The following CHD7 variants were observed in gnomAD, a reference collection of about 807,000 sequenced individuals.
CHD7 encodes the protein ATP-dependent chromatin remodeler CHD7.
Under a neutral mutation model 307.3 loss-of-function variants are expected in CHD7, and 24 were observed. The observed-to-expected ratio is 0.08, with a 90% CI of 0.06 to 0.11. The LOEUF (loss-of-function observed/expected upper bound fraction) is 0.11. Ranked by LOEUF, CHD7 falls within the 10% of genes least tolerant of loss-of-function variation. The pLI, the probability that CHD7 is intolerant of heterozygous loss-of-function variation, is 1.00. For synonymous variants in CHD7, 1,363 were observed against 1,349.9 expected (o/e 1.01, Z -0.21); for missense variants, 3,106 against 3,727.1 (o/e 0.83, Z 4.34).
chr8:60,693,185 C>T (rs1318410226), intron 1 of CHD7, among the ~76,000 whole-genome samples: 3 of 152,138 alleles, frequency 2.0e-5, no homozygotes, highest in East Asian at 1.9e-4. Context: ...GTGCCCTCCG[C>T]GACACCCCCT....
At position 60,741,328 on chromosome 8, in the gene CHD7, G is replaced by T. The variant is rs1469211655; in HGVS notation, c.-105G>T. 1.3e-6 allele frequency: 1 copy of T among 784,136 alleles called. No homozygotes were observed. Among genetic ancestry groups the T allele is most frequent in the African/African-American group, 1.8e-5 (1 of 56,988 alleles). 48.6% of individuals were successfully genotyped at this position (784,136 alleles called of 1,614,324 possible). Reference sequence around the variant, plus strand: ...TTAAAGAAATATGGAATGACATGAAGAAGATTAGTTAAGGATTATAGGCTT... The same window carrying T: ...TTAAAGAAATATGGAATGACATGAATAAGATTAGTTAAGGATTATAGGCTT... On this transcript the variant is annotated 5_prime_UTR_variant, in exon 2 of 38. Coordinates refer to ENST00000423902, the MANE Select transcript of CHD7 (RefSeq NM_017780.4).
At chr8:60,755,362 A>T (rs1905305) in intron 2 of CHD7, among the ~76,000 whole-genome samples, 117,339 of 151,728 alleles carry the variant, frequency 0.77, 45,642 homozygotes, top group East Asian at 0.94. Context: ...CATTTTTTTT[A>T]AGAATTTACT....
rs1804159168 is a variant in CHD7, at chr8:60,824,012, A to G, written c.3374A>G (p.Asp1125Gly). Reference protein sequence around the residue: ...CKLLEGLKMMDLEHKVLLTGT... With the variant: ...CKLLEGLKMMGLEHKVLLTGT... ...CTGTTGGAGGGACTCAAGATGATGGACTTGGTCAGTGACCATATTGGTGAT... is the reference window on the plus strand; with the variant it reads ...CTGTTGGAGGGACTCAAGATGATGGGCTTGGTCAGTGACCATATTGGTGAT... The change falls in exon 13 of 38, where the codon GAC (aspartate) becomes GGC (glycine). Residue 1125 changes from aspartate to glycine, a missense_variant. Physicochemically the swap from Asp to Gly is moderately conservative, Grantham distance 94. This residue lies in a region of CHD7 where 232 missense variants were observed against 422.5 expected (regional missense o/e 0.55). Transcript: ENST00000423902. The G allele has an allele frequency of 1.2e-6, 2 of 1,612,366 alleles. No homozygotes were observed. The highest frequency in any genetic ancestry group is 1.7e-6 in the Non-Finnish European group (2 of 1,178,718).
intron 2 of CHD7, among the ~76,000 whole-genome samples, chr8:60,778,078 C>G (rs1211634968): frequency 3.4e-5 from 5 of 145,106 alleles, no homozygotes; most frequent in Admixed American, 1.4e-4. Context: ...GAAGACTGTA[C>G]CATGCATCTG....
intron 12 of CHD7, 145 bp downstream of exon 12, chr8:60,822,891 G>T: frequency 1.7e-6 from 1 of 593,614 alleles, no homozygotes; most frequent in Non-Finnish European, 2.8e-6. Flanking sequence ...ATTTACATTT[G>T]TATTATCTTT....
In CHD7 at chr8:60,865,359, C is replaced by T. The variant is rs1467174474; in HGVS notation, c.8420C>T (p.Pro2807Leu). ...PLMLPGMAGL[P>L]NVFGLGGLLN... ...ATGCTGCCAGGAATGGCGGGCCTGC[C>T]CAACGTGTTTGGCTTGGGCGGGCTG... The change falls in exon 38 of 38, where the codon CCC (proline) becomes CTC (leucine). Residue 2807 changes from proline (P) to leucine (L), a missense_variant. Physicochemically the swap from Pro to Leu is moderately conservative, Grantham distance 98. Coordinates refer to ENST00000423902, the MANE Select transcript of CHD7 (RefSeq NM_017780.4). The surrounding 1 kb of genome is among the most constrained non-coding windows in gnomAD (Gnocchi z 4.3). 1.2e-6 allele frequency: 2 copies of T among 1,611,796 alleles called. No individual in the cohort carries two copies. The highest frequency in any genetic ancestry group is 1.7e-6 in the Non-Finnish European group (2 of 1,179,190).
intron 28 of CHD7, among the ~76,000 whole-genome samples, chr8:60,851,621 A>G (rs1238885005): frequency 6.6e-6 from 1 of 152,248 alleles, no homozygotes. Context: ...GCATTTGCTA[A>G]GTATTCACCT....
chr8:60,854,504 C>T lies in CHD7; in HGVS notation c.6917C>T (p.Ala2306Val), dbSNP rs757931215. 5 of 1,601,312 alleles carry T rather than the reference C, an allele frequency of 3.1e-6. No individual in the cohort carries two copies. Among genetic ancestry groups the T allele is most frequent in the South Asian group, 1.1e-5 (1 of 89,958 alleles). Residue 2306 changes from alanine (A) to valine (V), a missense_variant, in exon 32 of 38, where the codon GCC becomes GTC. Physicochemically the swap from Ala to Val is moderately conservative, Grantham distance 64 (BLOSUM62 0). Coordinates refer to ENST00000423902, the MANE Select transcript of CHD7 (RefSeq NM_017780.4). ...VAQLLHERTF[A>V]FSFWPKDRVM... is the part of the protein sequence containing the mutation. ...CAGCTCCTTCATGAAAGAACATTTG[C>T]CTTCTCGTTTTGGCCTAAGGTTGGC...
chr8:60,696,613 G>GGTA (rs1806485585), intron 1 of CHD7, among the ~76,000 whole-genome samples: 1 of 151,694 alleles, frequency 6.6e-6, no homozygotes, highest in Non-Finnish European at 1.5e-5. Flanking sequence ...TTGGATTGCA[G>GGTA]GTAGTTTTTT....
chr8:60,845,349 A>T lies in CHD7; in HGVS notation c.5150A>T (p.Asn1717Ile). The T allele has an allele frequency of 6.2e-7, 1 of 1,614,048 alleles. No homozygotes were observed. Among genetic ancestry groups the T allele is most frequent in the Non-Finnish European group, 8.5e-7 (1 of 1,179,896 alleles). The change falls in exon 23 of 38, where the codon AAC (asparagine) becomes ATC (isoleucine). Residue 1717 changes from asparagine to isoleucine, a missense_variant. By Grantham distance (149) the Asn-to-Ile change is moderately radical (BLOSUM62 -3). Coordinates refer to ENST00000423902, the MANE Select transcript of CHD7 (RefSeq NM_017780.4). Reference sequence around the variant, plus strand: ...GATGCCGACTGGCTGGCCAGCTGCAACCCAGATGCCCTGTTCCAGGAGGAC... The same window carrying T: ...GATGCCGACTGGCTGGCCAGCTGCATCCCAGATGCCCTGTTCCAGGAGGAC... ...VQDADWLASC[N>I]PDALFQEDSY...
chr8:60,742,263 G>C lies in CHD7; in HGVS notation c.831G>C (p.Pro277=), dbSNP rs775415630. The change falls in exon 2 of 38, where the codon CCG becomes CCC. Residue 277 remains proline, a synonymous_variant. Coordinates refer to ENST00000423902, the MANE Select transcript of CHD7 (RefSeq NM_017780.4). ...ESVAHSPRFS[P]NPPQQGAVRP... The stretch of plus-strand genomic sequence containing the variant: ...TTGCCCACAGTCCCAGATTCTCCCC[G>C]AATCCTCCCCAACAAGGGGCTGTTA... The C allele has an allele frequency of 1.2e-6, 2 of 1,613,622 alleles. No individual in the cohort carries two copies. The highest frequency in any genetic ancestry group is 1.3e-5 in the African/African-American group (1 of 74,842).
chr8:60,697,277 C>T (rs1302345153), intron 1 of CHD7, among the ~76,000 whole-genome samples: 1 of 152,176 alleles, frequency 6.6e-6, no homozygotes, highest in African/African-American at 2.4e-5. Flanking sequence ...ATGGAAGAAA[C>T]ACATTTGAGC....
In CHD7 at chr8:60,742,030, A is replaced by G; in HGVS notation, c.598A>G (p.Met200Val). ...GSYMARGDFS[M>V]QQHGQPQQRM... ...CTATATGGCACGTGGGGATTTTTCC[A>G]TGCAGCAGCATGGTCAGCCACAGCA... Residue 200 changes from methionine (M) to valine (V), a missense_variant, in exon 2 of 38, where the codon ATG becomes GTG. Transcript: ENST00000423902. 6.2e-7 allele frequency: 1 copy of G among 1,613,792 alleles called. No individual in the cohort carries two copies. The highest frequency in any genetic ancestry group is 8.5e-7 in the Non-Finnish European group (1 of 1,179,868).
At chr8:60,759,596 C>G (rs563827485) in intron 2 of CHD7, among the ~76,000 whole-genome samples, 1 of 152,126 alleles carries the variant, frequency 6.6e-6, no homozygotes, top group Non-Finnish European at 1.5e-5. Flanking sequence ...TAAATTGAGG[C>G]CTGGTACTCC....
intron 3 of CHD7, among the ~76,000 whole-genome samples, chr8:60,787,630 A>G (rs1370464704): frequency 6.6e-6 from 1 of 152,088 alleles, no homozygotes; most frequent in Non-Finnish European, 1.5e-5. Flanking sequence ...TGTAGCCCTG[A>G]CTTCTATAGG....
intron 1 of CHD7, among the ~76,000 whole-genome samples, chr8:60,738,440 C>T (rs1187283813): frequency 6.6e-6 from 1 of 152,130 alleles, no homozygotes; most frequent in Non-Finnish European, 1.5e-5. Context: ...GAACAGTGTT[C>T]ATCTAGACAC....
chr8:60,690,538 A>G (rs1362696167), intron 1 of CHD7, among the ~76,000 whole-genome samples: 1 of 152,192 alleles, frequency 6.6e-6, no homozygotes, highest in East Asian at 1.9e-4. Flanking sequence ...TTTATAGGGA[A>G]CTTTGTGGCT....
intron 3 of CHD7, among the ~76,000 whole-genome samples, chr8:60,794,498 A>G (rs1447872728): frequency 1.3e-5 from 2 of 152,218 alleles, no homozygotes; most frequent in African/African-American, 4.8e-5. Flanking sequence ...TTACATTCTA[A>G]AAGATTATAA....
At chr8:60,845,554 G>A in intron 23 of CHD7, 145 bp downstream of exon 23, 1 of 847,600 alleles carries the variant, frequency 1.2e-6, no homozygotes, top group East Asian at 2.7e-5. Flanking sequence ...GCGGATCTTG[G>A]TGTCTGAGGG....
Sources: allele counts gnomAD v4.1 joint callset (sites outside exome capture counted in the v4.1 genomes callset), GRCh38; gene constraint gnomAD v4.1.1; regional missense constraint gnomAD v4.1.1; non-coding constraint Gnocchi (gnomAD v3.1); transcripts MANE v1.5; gene names NCBI Gene and HGNC (gene_info 2026-07-23, HGNC 2026-07-21).